The following LRP5 variants were observed in gnomAD, a reference collection of about 807,000 sequenced individuals.
LRP5 encodes the protein low-density lipoprotein receptor-related protein 5.
LRP5 carries 62 observed loss-of-function variants against 154.1 expected under a neutral mutation model. The observed-to-expected ratio is 0.40, with a 90% CI of 0.33 to 0.50. LRP5 has a LOEUF of 0.50. Ranked by LOEUF, LRP5 falls within the 20% of genes least tolerant of loss-of-function variation. LRP5 has a pLI of 0.55. For synonymous variants in LRP5, 966 were observed against 1,011.5 expected, an observed-to-expected ratio of 0.96 and a Z score of 0.85; for missense variants, 1,915 against 2,336.7, an observed-to-expected ratio of 0.82 and a Z score of 3.72.
rs542578354 is a variant in LRP5, at chr11:68,446,162, A to T, written c.4489-274A>T. 7.2e-5 allele frequency among the ~76,000 whole-genome samples: 11 copies of T among 152,344 alleles called. No homozygotes were observed. In the East Asian group the frequency reaches 1.5e-3, roughly 21 times the overall value. On this transcript the variant is annotated intron_variant, in intron 21 of 22. Transcript: ENST00000294304. The stretch of plus-strand genomic sequence containing the variant: ...AGTCCTGTCCCCGCCTTCACAGCCC[A>T]GCATCTGGTCACAAGGCAGGTACTT...
chr11:68,325,027 G>T lies in LRP5; in HGVS notation c.91+12222G>T, dbSNP rs139112513. Among the ~76,000 whole-genome samples the T allele has an allele frequency of 2.4e-4, 36 of 152,316 alleles. 1 individual carries two copies. The highest frequency in any genetic ancestry group is 1.2e-3 in the Admixed American group (19 of 15,308). ...CCTCTGGGCTCCTGTGCCCTGCACA[G>T]CCCGGTTCTGACCACAGACCTCCTC... On this transcript the variant is annotated intron_variant, in intron 1 of 22. Transcript: ENST00000294304.
chr11:68,303,815 A>C, the LRP5 span, among the ~76,000 whole-genome samples: 1 of 152,232 alleles, frequency 6.6e-6, no homozygotes, highest in Admixed American at 6.5e-5. Flanking sequence ...GCAGCAAAGC[A>C]TTCAAGATGT....
In LRP5 at chr11:68,411,476, G is replaced by T. The variant is rs778567335; in HGVS notation, c.2359G>T (p.Val787Leu). The T allele has an allele frequency of 6.2e-7, 1 of 1,613,168 alleles. No homozygotes were observed. The highest frequency in any genetic ancestry group is 8.5e-7 in the Non-Finnish European group (1 of 1,180,036). The change falls in exon 11 of 23, where the codon GTG (valine) becomes TTG (leucine). Residue 787 changes from valine to leucine, a missense_variant. This residue lies in a region of LRP5 where 773 missense variants were observed against 1,100.9 expected (regional missense o/e 0.70). Transcript: ENST00000294304. ...CGAGTGGGGCGGCAAGCCGAGGATC[G>T]TGCGGGCCTTCATGGACGGGACCAA... ...WTEWGGKPRI[V>L]RAFMDGTNCM...
intron 5 of LRP5, among the ~76,000 whole-genome samples, chr11:68,384,744 T>C (rs1219524148): frequency 2.6e-5 from 4 of 151,574 alleles, no homozygotes; most frequent in African/African-American, 9.7e-5. Flanking sequence ...ATGTGGAGGG[T>C]GGGCCACGGG....
Position 68,436,930 on chromosome 11 carries a change from T to G in LRP5, c.4042T>G (p.Cys1348Gly). ...PNQFRCASGQ[C>G]VLIKQQCDSF... ...CCAGTTCCGGTGTGCGAGCGGCCAG[T>G]GTGTCCTCATCAAACAGCAGTGCGA... Residue 1348 changes from cysteine (C) to glycine (G), a missense_variant, in exon 19 of 23, where the codon TGT becomes GGT. Cys to Gly is a radical substitution (Grantham distance 159). Transcript: ENST00000294304. 6.2e-7 allele frequency: 1 copy of G among 1,613,914 alleles called. No homozygotes were observed. The highest frequency in any genetic ancestry group is 8.5e-7 in the Non-Finnish European group (1 of 1,179,964).
At chr11:68,312,482 G>C (rs1253060248), upstream of LRP5, 1 of 146,032 alleles carries the variant, frequency 6.8e-6, no homozygotes, top group African/African-American at 2.5e-5. Flanking sequence ...GCCGGCTCCG[G>C]GGGGCGCCCG....
At chr11:68,424,842 T>C (rs897704848) in intron 14 of LRP5, among the ~76,000 whole-genome samples, 3 of 152,240 alleles carry the variant, frequency 2.0e-5, no homozygotes, top group African/African-American at 7.2e-5. Flanking sequence ...ATTTAGGGCC[T>C]ACCCTCACCC....
intron 9 of LRP5, among the ~76,000 whole-genome samples, chr11:68,409,067 A>T (rs867995807): frequency 0.1 from 4,479 of 43,270 alleles, 153 homozygotes; most frequent in Non-Finnish European, 0.13. Context: ...AAAAAAAAAA[A>T]AAAAAAATAT....
intron 1 of LRP5, among the ~76,000 whole-genome samples, chr11:68,340,561 A>G (rs752055335): frequency 1.7e-4 from 26 of 152,168 alleles, no homozygotes; most frequent in Non-Finnish European, 2.5e-4. Flanking sequence ...TCCCCATTTC[A>G]CAGACAGGAT....
At chr11:68,319,049 C>T (rs1355765778) in intron 1 of LRP5, among the ~76,000 whole-genome samples, 2 of 151,802 alleles carry the variant, frequency 1.3e-5, no homozygotes, top group Non-Finnish European at 2.9e-5. Flanking sequence ...TGCCCTCCCT[C>T]ACCCCACCGT....
At chr11:68,412,215 G>T (rs1032604382) in intron 11 of LRP5, among the ~76,000 whole-genome samples, 8 of 152,182 alleles carry the variant, frequency 5.3e-5, no homozygotes, top group Non-Finnish European at 8.8e-5. Flanking sequence ...ACCCAGAAAA[G>T]GGGACCGCAC....
At position 68,383,307 on chromosome 11, in the gene LRP5, T is replaced by C. The variant is rs2098641275; in HGVS notation, c.1016-3009T>C. On this transcript the variant is annotated intron_variant, in intron 5 of 22. Transcript: ENST00000294304. Reference sequence around the variant, plus strand: ...TGTGGGGCCATGATGGACACACTGCTGAGGTCAAGCGTGATTCGTCTTGCG... The same window carrying C: ...TGTGGGGCCATGATGGACACACTGCCGAGGTCAAGCGTGATTCGTCTTGCG... Among the ~76,000 whole-genome samples, 5 of 152,204 alleles carry C rather than the reference T, an allele frequency of 3.3e-5. No homozygotes were observed. The South Asian group carries it at 1.0e-3, about 32-fold the overall frequency.
At chr11:68,381,576 A>G (rs967472561) in intron 5 of LRP5, among the ~76,000 whole-genome samples, 2 of 152,018 alleles carry the variant, frequency 1.3e-5, no homozygotes, top group Non-Finnish European at 2.9e-5. Context: ...GAGGAAGGGG[A>G]GAGGTCAGCA....
chr11:68,426,025 G>A lies in LRP5; in HGVS notation c.3475G>A (p.Gly1159Ser), dbSNP rs767045610. The A allele has an allele frequency of 1.2e-6, 2 of 1,613,198 alleles. No homozygotes were observed. The highest frequency in any genetic ancestry group is 1.7e-6 in the Non-Finnish European group (2 of 1,180,024). Residue 1159 changes from glycine (G) to serine (S), a missense_variant, in exon 16 of 23, where the codon GGC becomes AGC. By Grantham distance (56) the Gly-to-Ser change is moderately conservative (BLOSUM62 0). Around this residue, in one of 3 missense-constraint regions of LRP5, gnomAD observed 1,094 missense variants for 1,210.1 expected, o/e 0.90. Transcript: ENST00000294304. ...GGACGCCAACATCGTGCAGCCTCTG[G>A]GCCTGACCATCCTTGGCAAGCATCT... is the stretch of plus-strand genomic sequence containing the variant. ...LEDANIVQPLGLTILGKHLYW... is the reference protein window; with the variant it reads ...LEDANIVQPLSLTILGKHLYW...
intron 17 of LRP5, among the ~76,000 whole-genome samples, chr11:68,432,264 G>A (rs1315491598): frequency 2.0e-5 from 3 of 152,200 alleles, no homozygotes; most frequent in Non-Finnish European, 4.4e-5. Context: ...ACTGCTGAGG[G>A]AGACTTGGGC....
chr11:68,336,288 CA>C (rs1353987998), intron 1 of LRP5, among the ~76,000 whole-genome samples: 3 of 152,146 alleles, frequency 2.0e-5, no homozygotes, highest in Admixed American at 6.5e-5. Flanking sequence ...GAGGGGTGCT[CA>C]CTGTCCAAAT....
chr11:68,305,706 G>A, the LRP5 span, among the ~76,000 whole-genome samples: 1 of 152,160 alleles, frequency 6.6e-6, no homozygotes, highest in African/African-American at 2.4e-5. Flanking sequence ...GCCTCCCAAA[G>A]TGCTGGGATT....
chr11:68,310,872 G>T (rs930096280), upstream of LRP5, among the ~76,000 whole-genome samples: 1 of 152,088 alleles, frequency 6.6e-6, no homozygotes, highest in Non-Finnish European at 1.5e-5. Context: ...CTGGAGCAGG[G>T]TGAGATGTGG....
At chr11:68,331,501 C>T (rs987485417) in intron 1 of LRP5, among the ~76,000 whole-genome samples, 30 of 152,242 alleles carry the variant, frequency 2.0e-4, no homozygotes, top group African/African-American at 6.8e-4. Context: ...AGGGACCTGC[C>T]TGGCCCATCT....
Sources: gnomAD v4.1 joint callset for allele counts (sites outside exome capture counted in the v4.1 genomes callset) on GRCh38, gnomAD v4.1.1 for gene constraint, gnomAD v4.1.1 regional missense constraint, MANE v1.5 for transcripts, NCBI Gene and HGNC (gene_info 2026-07-23, HGNC 2026-07-21) for gene names.